GSK3B: variants seen among roughly 807,000 people sequenced by gnomAD.
The protein encoded by GSK3B is glycogen synthase kinase 3 beta.
A neutral mutation model predicts 56.4 loss-of-function variants in GSK3B; 15 were observed. The ratio of observed to expected loss-of-function variants is 0.27; its 90% CI spans 0.18 to 0.41. GSK3B has a LOEUF of 0.41. GSK3B is among the 10% of genes least tolerant of loss of function. The pLI is 1.00. For missense variants in GSK3B, 300 were observed against 513.4 expected (o/e 0.58, Z 4.02); for synonymous variants, 181 against 188.9 (o/e 0.96, Z 0.34).
intron 2 of GSK3B, among the ~76,000 whole-genome samples, chr3:119,959,121 A>G (rs942325748): frequency 1.3e-5 from 2 of 151,924 alleles, no homozygotes; most frequent in Non-Finnish European, 2.9e-5. Context: ...ATCCTTCCTC[A>G]TTGGCCAAAT....
At chr3:119,839,421 C>T (rs2055738791) in intron 10 of GSK3B, among the ~76,000 whole-genome samples, 1 of 152,052 alleles carries the variant, frequency 6.6e-6, no homozygotes, top group African/African-American at 2.4e-5. Flanking sequence ...CCCAGGTCTA[C>T]ACAAATGTCA....
At chr3:119,939,025 T>G (rs1277238746) in intron 3 of GSK3B, among the ~76,000 whole-genome samples, 1 of 150,930 alleles carries the variant, frequency 6.6e-6, no homozygotes, top group African/African-American at 2.4e-5. Flanking sequence ...AAAAATGTCA[T>G]GAAAGAGGTA....
intron 4 of GSK3B, among the ~76,000 whole-genome samples, chr3:119,919,684 G>C (rs550546757): frequency 6.6e-6 from 1 of 152,048 alleles, no homozygotes; most frequent in South Asian, 2.1e-4. Flanking sequence ...TCAACTATTT[G>C]CTGGCAAAAA....
chr3:119,982,722 A>C (rs749232314), intron 2 of GSK3B, among the ~76,000 whole-genome samples: 4 of 152,234 alleles, frequency 2.6e-5, no homozygotes, highest in Non-Finnish European at 4.4e-5. Flanking sequence ...AAAAGACCAA[A>C]TCTACGTTTG....
intron 2 of GSK3B, among the ~76,000 whole-genome samples, chr3:119,996,584 G>A (rs568840132): frequency 4.8e-4 from 72 of 149,720 alleles, no homozygotes; most frequent in Non-Finnish European, 8.6e-4. Flanking sequence ...AATATAAATA[G>A]TTTTATTTAG....
chr3:120,067,031 C>T (rs1177619021), intron 1 of GSK3B, among the ~76,000 whole-genome samples: 1 of 152,018 alleles, frequency 6.6e-6, no homozygotes, highest in Non-Finnish European at 1.5e-5. Flanking sequence ...TAAAAAATCT[C>T]ATAATGTTTT....
chr3:119,943,351 G>C (rs1459798389), intron 3 of GSK3B, among the ~76,000 whole-genome samples: 1 of 151,964 alleles, frequency 6.6e-6, no homozygotes, highest in African/African-American at 2.4e-5. Flanking sequence ...TGTGGGAATA[G>C]ATAAAATATT....
intron 10 of GSK3B, among the ~76,000 whole-genome samples, chr3:119,831,434 G>A (rs1036682365): frequency 1.3e-5 from 2 of 152,090 alleles, no homozygotes; most frequent in Middle Eastern, 3.2e-3. Flanking sequence ...GAGGTGGGCG[G>A]ATCACAAAGT....
chr3:119,957,281 C>G (rs1196555167), intron 2 of GSK3B, among the ~76,000 whole-genome samples: 1 of 152,104 alleles, frequency 6.6e-6, no homozygotes, highest in Non-Finnish European at 1.5e-5. Flanking sequence ...TGTAACAAAA[C>G]CCCAATTTTA....
Position 120,069,096 on chromosome 3 carries a change from C to A in GSK3B, c.88+24251G>T, listed in dbSNP as rs569760411. ...TGTCATTCATTCTTCCCTTCCCTTG[C>A]CCTGGGTAATGACAAAGTAGTGAGG... On this transcript the variant is annotated intron_variant, in intron 1 of 10. Transcript: ENST00000264235. 7.9e-5 allele frequency among the ~76,000 whole-genome samples: 12 copies of A among 152,228 alleles called. No homozygotes were observed. In the South Asian group the frequency reaches 1.7e-3, roughly 21 times the overall value.
intron 10 of GSK3B, among the ~76,000 whole-genome samples, chr3:119,833,855 G>C (rs984785413): frequency 1.3e-5 from 2 of 151,704 alleles, no homozygotes; most frequent in Non-Finnish European, 2.9e-5. Context: ...ACCATGCCTG[G>C]CTAAATTTTT....
rs544554336 is a variant in GSK3B at position 120,024,676 on chromosome 3, T to C, written c.89-22437A>G. Among the ~76,000 whole-genome samples the C allele has an allele frequency of 2.0e-5, 3 of 152,204 alleles. No individual in the cohort carries two copies. In the South Asian group the frequency reaches 6.2e-4, roughly 32 times the overall value. On this transcript the variant is annotated intron_variant, in intron 1 of 10. Coordinates refer to ENST00000264235, the MANE Select transcript of GSK3B (RefSeq NM_001146156.2). ...AATAACTGCTGCATTAGATAATAAC[T>C]GAAGTAAGAGGTACAAAAGAGAATG...
At chr3:119,944,233 C>A (rs1219324324) in intron 3 of GSK3B, among the ~76,000 whole-genome samples, 1 of 152,076 alleles carries the variant, frequency 6.6e-6, no homozygotes, top group East Asian at 1.9e-4. Context: ...CACTGATCTC[C>A]CTCCCATAAC....
chr3:120,088,732 A>T (rs1390356095), intron 1 of GSK3B, among the ~76,000 whole-genome samples: 1 of 152,242 alleles, frequency 6.6e-6, no homozygotes, highest in African/African-American at 2.4e-5. Flanking sequence ...ATATCCGGGG[A>T]ACCCGGTTGG....
chr3:119,972,582 C>T (rs2057377749), intron 2 of GSK3B, among the ~76,000 whole-genome samples: 1 of 152,000 alleles, frequency 6.6e-6, no homozygotes. Flanking sequence ...ACTACAGGTG[C>T]CTGTCACGAA....
intron 1 of GSK3B, among the ~76,000 whole-genome samples, chr3:120,037,759 AT>A (rs1033722993): frequency 1.3e-5 from 2 of 152,018 alleles, no homozygotes; most frequent in African/African-American, 4.8e-5. Flanking sequence ...TTAGAACTCC[AT>A]TTTTTACATT....
intron 8 of GSK3B, among the ~76,000 whole-genome samples, chr3:119,869,071 A>G (rs1377308544): frequency 2.0e-5 from 3 of 151,878 alleles, no homozygotes; most frequent in Admixed American, 1.3e-4. Context: ...TAAAAATACA[A>G]AAATTAGCCA....
intron 1 of GSK3B, among the ~76,000 whole-genome samples, chr3:120,013,560 G>A (rs2057797194): frequency 6.6e-6 from 1 of 152,114 alleles, no homozygotes. Flanking sequence ...CAAGAATGAA[G>A]TCTCCACGTA....
intron 5 of GSK3B, among the ~76,000 whole-genome samples, chr3:119,913,266 C>A (rs149617940): frequency 2.0e-5 from 3 of 152,068 alleles, no homozygotes; most frequent in Non-Finnish European, 4.4e-5. Flanking sequence ...TTCTGACTCA[C>A]GGCGAATATT....
Sources: allele counts gnomAD v4.1 joint callset (sites outside exome capture counted in the v4.1 genomes callset), GRCh38; gene constraint gnomAD v4.1.1; transcripts MANE v1.5; gene names NCBI Gene and HGNC (gene_info 2026-07-23, HGNC 2026-07-21).